Variants in WDR33 observed in about 807,000 individuals in gnomAD.
WDR33 encodes the protein pre-mRNA 3' end processing protein WDR33.
Under a neutral mutation model 164.9 loss-of-function variants are expected in WDR33, and 47 were observed. The observed-to-expected ratio is 0.29, with a 90% CI of 0.23 to 0.36. The LOEUF (loss-of-function observed/expected upper bound fraction) is 0.36. Among genes scored for constraint, WDR33 ranks in the 10% least tolerant of loss-of-function variants. WDR33 has a pLI of 1.00. For synonymous variants in WDR33, 505 were observed against 589.0 expected, an observed-to-expected ratio of 0.86 and a Z score of 2.06; for missense variants, 1,137 against 1,754.1, an observed-to-expected ratio of 0.65 and a Z score of 6.28.
Position 127,763,532 on chromosome 2 carries a change from C to T in WDR33, c.627-373G>A. On this transcript the variant is annotated intron_variant, in intron 6 of 21. Coordinates refer to ENST00000322313, the MANE Select transcript of WDR33 (RefSeq NM_018383.5). The surrounding 1 kb of genome is among the most constrained non-coding windows in gnomAD (Gnocchi z 4.5). ...TATTCCTGCAGTCTTTTAAATCACA[C>T]ACGAATACTGCTCCCAAAATTATCA... is the stretch of plus-strand genomic sequence containing the variant. The T allele has an allele frequency of 9.7e-7, 1 of 1,031,270 alleles. No individual in the cohort carries two copies. The highest frequency in any genetic ancestry group is 1.2e-6 in the Non-Finnish European group (1 of 858,018). 63.9% of individuals were successfully genotyped at this position (1,031,270 alleles called of 1,614,324 possible).
intron 1 of WDR33, among the ~76,000 whole-genome samples, chr2:127,778,620 T>G (rs567665772): frequency 6.6e-6 from 1 of 152,066 alleles, no homozygotes; most frequent in Non-Finnish European, 1.5e-5. Context: ...GAGACACTAC[T>G]ACGCTGTGTG....
At position 127,701,396 on chromosome 2, in the gene WDR33, G is replaced by A. The variant is rs1481132508; in HGVS notation, c.*4927C>T. On this transcript the variant is annotated 3_prime_UTR_variant, in exon 22 of 22. Transcript: ENST00000322313. ...CAAAAGTCCGCAGAGCAGGCACCGC[G>A]GCACTTCCGCGAGCGCCGCAGGCCC... 1.9e-5 allele frequency: 17 copies of A among 889,684 alleles called. No homozygotes were observed. Among genetic ancestry groups the A allele is most frequent in the Non-Finnish European group, 2.4e-5 (16 of 679,486 alleles). The allele number at this position is 889,684 out of a possible 1,614,324, so 55.1% of individuals were successfully genotyped here.
At position 127,701,872 on chromosome 2, in the gene WDR33, G is replaced by T. The variant is rs780314092; in HGVS notation, c.*4451C>A. ...AAGTTCGCGCTGCTCTGGTCACTGGGCTCGGCGCTGGCGTTGGCGGGAAGC... is the reference window on the plus strand; with the variant it reads ...AAGTTCGCGCTGCTCTGGTCACTGGTCTCGGCGCTGGCGTTGGCGGGAAGC... On this transcript the variant is annotated 3_prime_UTR_variant, in exon 22 of 22. Coordinates refer to ENST00000322313, the MANE Select transcript of WDR33 (RefSeq NM_018383.5). The T allele has an allele frequency of 8.9e-6, 13 of 1,459,536 alleles. No individual in the cohort carries two copies. The Admixed American group carries it at 3.2e-4, about 36-fold the overall frequency. The allele number at this position is 1,459,536 out of a possible 1,614,324, so 90.4% of individuals were successfully genotyped here. A position where few individuals can be genotyped will look rare whatever the true frequency, so the allele number is the denominator to read the frequency against.
intron 7 of WDR33, among the ~76,000 whole-genome samples, chr2:127,745,443 G>A (rs991217176): frequency 1.3e-5 from 2 of 152,132 alleles, no homozygotes; most frequent in Non-Finnish European, 2.9e-5. Context: ...AAATATGGCG[G>A]AGTGAAGGTT....
intron 7 of WDR33, among the ~76,000 whole-genome samples, chr2:127,748,695 C>T (rs958308911): frequency 7.9e-5 from 12 of 151,870 alleles, no homozygotes; most frequent in Admixed American, 5.9e-4. Flanking sequence ...ACAAGGGATG[C>T]AGGAAAATGC....
At chr2:127,744,211 G>A (rs1364377772) in intron 7 of WDR33, among the ~76,000 whole-genome samples, 1 of 152,114 alleles carries the variant, frequency 6.6e-6, no homozygotes, top group Non-Finnish European at 1.5e-5. Context: ...AAGTTTAAAT[G>A]TTCATACCCT....
At chr2:127,807,288 G>GTGGCTC (rs1689474596) in intron 1 of WDR33, among the ~76,000 whole-genome samples, 2 of 152,164 alleles carry the variant, frequency 1.3e-5, no homozygotes, top group African/African-American at 4.8e-5. Context: ...TTACAGATGT[G>GTGGCTC]AGCCACTGCA....
At chr2:127,793,642 G>A (rs1423858669) in intron 1 of WDR33, among the ~76,000 whole-genome samples, 1 of 152,146 alleles carries the variant, frequency 6.6e-6, no homozygotes, top group Non-Finnish European at 1.5e-5. Context: ...TTGGAAGGCT[G>A]AGGAAGTAGA....
At position 127,712,260 on chromosome 2, in the gene WDR33, G is replaced by C. The variant is rs908522369; in HGVS notation, c.3308+1323C>G. On this transcript the variant is annotated intron_variant, in intron 18 of 21. Transcript: ENST00000322313. This position sits in a 1 kb window ranked among gnomAD's most constrained non-coding sequence, Gnocchi z 4.0. ...AAAAATACAAAAATTAGCCAGGCAAGGTGGTGTGAGCCTGTATCCCAGCTC... is the reference window on the plus strand; with the variant it reads ...AAAAATACAAAAATTAGCCAGGCAACGTGGTGTGAGCCTGTATCCCAGCTC... 3.9e-5 allele frequency among the ~76,000 whole-genome samples: 6 copies of C among 152,164 alleles called. No homozygotes were observed. Among genetic ancestry groups the C allele is most frequent in the Non-Finnish European group, 1.5e-5 (1 of 68,026 alleles).
At position 127,723,588 on chromosome 2, in the gene WDR33, C is replaced by T. The variant is rs1686491401; in HGVS notation, c.1197-241G>A. ...CCTGGGCAACATAGCGAAACCCTGT[C>T]TCTACAAAATAAAAATTAAAAAGTT... On this transcript the variant is annotated intron_variant, in intron 11 of 21. Transcript: ENST00000322313. The surrounding 1 kb of genome is among the most constrained non-coding windows in gnomAD (Gnocchi z 5.9). Among the ~76,000 whole-genome samples, 1 of 151,626 alleles carries T rather than the reference C, an allele frequency of 6.6e-6. No individual in the cohort carries two copies. The highest frequency in any genetic ancestry group is 1.5e-5 in the Non-Finnish European group (1 of 67,940).
chr2:127,802,796 T>C (rs771648091), intron 1 of WDR33, among the ~76,000 whole-genome samples: 11 of 151,916 alleles, frequency 7.2e-5, no homozygotes, highest in Admixed American at 1.3e-4. Context: ...CTGGGCAACA[T>C]GGCAAAACCC....
In WDR33 at chr2:127,703,350, CT is replaced by C. The variant is rs1190932719; in HGVS notation, c.*2972del. 1 of 167,080 alleles carries C rather than the reference CT, an allele frequency of 6.0e-6. No homozygotes were observed. The highest frequency in any genetic ancestry group is 1.5e-5 in the Non-Finnish European group (1 of 68,116). 10.3% of individuals were successfully genotyped at this position (167,080 alleles called of 1,614,324 possible). ...CTACGTTCCCCAAGTTTGAGGACCA[CT>C]TTTCTGTGCATTGGCTTGCACAATT... On this transcript the variant is annotated 3_prime_UTR_variant, in exon 22 of 22. Transcript: ENST00000322313.
chr2:127,749,886 A>C (rs957314310), intron 7 of WDR33, among the ~76,000 whole-genome samples: 6 of 148,294 alleles, frequency 4.0e-5, no homozygotes, highest in Non-Finnish European at 5.9e-5. Flanking sequence ...CCCAGGCTGG[A>C]GTACAGTGGC....
chr2:127,794,424 TG>T (rs977541717), intron 1 of WDR33, among the ~76,000 whole-genome samples: 1 of 149,618 alleles, frequency 6.7e-6, no homozygotes, highest in South Asian at 2.1e-4. Context: ...CACTTGAACT[TG>T]GGGGGGCAGA....
At chr2:127,790,229 A>G (rs180889675) in intron 1 of WDR33, among the ~76,000 whole-genome samples, 1 of 152,350 alleles carries the variant, frequency 6.6e-6, no homozygotes, top group East Asian at 1.9e-4. Flanking sequence ...GTCTACTAAT[A>G]GACTAAATTA....
Position 127,723,381 on chromosome 2 carries a change from G to A in WDR33, c.1197-34C>T. On this transcript the variant is annotated intron_variant, in intron 11 of 21. Coordinates refer to ENST00000322313, the MANE Select transcript of WDR33 (RefSeq NM_018383.5). The surrounding 1 kb of genome is among the most constrained non-coding windows in gnomAD (Gnocchi z 5.9). Reference sequence around the variant, plus strand: ...ATAATTAAAGGAGAAAAGAAGCATGGCTTCACTATTTTTTTGGGCACTAAA... The same window carrying A: ...ATAATTAAAGGAGAAAAGAAGCATGACTTCACTATTTTTTTGGGCACTAAA... 1 of 1,591,552 alleles carries A rather than the reference G, an allele frequency of 6.3e-7. No homozygotes were observed. Among genetic ancestry groups the A allele is most frequent in the South Asian group, 1.1e-5 (1 of 90,542 alleles).
intron 1 of WDR33, among the ~76,000 whole-genome samples, chr2:127,774,854 T>C (rs185582576): frequency 3.3e-5 from 5 of 151,868 alleles, no homozygotes; most frequent in Admixed American, 2.6e-4. Flanking sequence ...AAAAAAATTA[T>C]GCTAAGTGAA....
chr2:127,720,763 T>G lies in WDR33; in HGVS notation c.1672-410A>C, dbSNP rs1174910507. ...TTTGTAGAGACAGGGTCTTGCTATATTGCCCAGGCTGATCTCAAACTCCTG... is the reference window on the plus strand; with the variant it reads ...TTTGTAGAGACAGGGTCTTGCTATAGTGCCCAGGCTGATCTCAAACTCCTG... On this transcript the variant is annotated intron_variant, in intron 15 of 21. Coordinates refer to ENST00000322313, the MANE Select transcript of WDR33 (RefSeq NM_018383.5). This position sits in a 1 kb window ranked among gnomAD's most constrained non-coding sequence, Gnocchi z 5.9. Among the ~76,000 whole-genome samples the G allele has an allele frequency of 6.6e-6, 1 of 152,168 alleles. No individual in the cohort carries two copies. Among genetic ancestry groups the G allele is most frequent in the African/African-American group, 2.4e-5 (1 of 41,442 alleles).
chr2:127,715,844 C>T (rs1425683099), intron 17 of WDR33, among the ~76,000 whole-genome samples: 1 of 152,140 alleles, frequency 6.6e-6, no homozygotes, highest in Non-Finnish European at 1.5e-5. Context: ...GGGGCGGCGG[C>T]GGCGGTTATT....
Sources: gnomAD v4.1 joint callset for allele counts (sites outside exome capture counted in the v4.1 genomes callset) on GRCh38, gnomAD v4.1.1 for gene constraint, Gnocchi (gnomAD v3.1) non-coding constraint, MANE v1.5 for transcripts, NCBI Gene and HGNC (gene_info 2026-07-23, HGNC 2026-07-21) for gene names.